The following KSR1 variants were observed in gnomAD, a reference collection of about 807,000 sequenced individuals.
KSR1 encodes the protein kinase suppressor of ras.
Under a neutral mutation model 92.9 loss-of-function variants are expected in KSR1, and 35 were observed. The observed-to-expected ratio is 0.38, with a 90% confidence interval of 0.29 to 0.50. The LOEUF (loss-of-function observed/expected upper bound fraction) is 0.50. KSR1 is among the 20% of genes least tolerant of loss of function. The pLI, the probability that KSR1 is intolerant of heterozygous loss-of-function variation, is 0.94. For missense variants in KSR1, 972 were observed against 1,158.5 expected, an observed-to-expected ratio of 0.84 and a Z score of 2.34; for synonymous variants, 467 against 472.6, an observed-to-expected ratio of 0.99 and a Z score of 0.15.
At chr17:27,470,273 G>A (rs1240446424) in intron 1 of KSR1, among the ~76,000 whole-genome samples, 3 of 131,462 alleles carry the variant, frequency 2.3e-5, no homozygotes, top group East Asian at 2.2e-4. Flanking sequence ...ACAGACTCTC[G>A]CTCTGTGGCC....
chr17:27,487,263 C>T (rs1418006339), intron 1 of KSR1, among the ~76,000 whole-genome samples: 2 of 151,940 alleles, frequency 1.3e-5, no homozygotes, highest in Non-Finnish European at 2.9e-5. Context: ...GGTGAAACCC[C>T]GTCTCTACTA....
At chr17:27,553,516 C>G (rs897760319) in intron 2 of KSR1, among the ~76,000 whole-genome samples, 70 of 152,198 alleles carry the variant, frequency 4.6e-4, no homozygotes, top group Admixed American at 1.3e-3. Flanking sequence ...TCCTCACCAG[C>G]AGGGCCAGGA....
chr17:27,606,868 G>A lies in KSR1; in HGVS notation c.1995-1046G>A, dbSNP rs796121380. Among the ~76,000 whole-genome samples the A allele has an allele frequency of 1.1e-4, 16 of 152,004 alleles. 1 individual carries two copies. Among genetic ancestry groups the A allele is most frequent in the African/African-American group, 2.9e-4 (12 of 41,484 alleles). On this transcript the variant is annotated intron_variant, in intron 14 of 20. Coordinates refer to ENST00000644974, the MANE Select transcript of KSR1 (RefSeq NM_001394583.1). ...GATAAACTAGACAGGGTCTCGCTCT[G>A]TCACCCAGGCTGGAGTGCAGTGGCG...
At chr17:27,498,330 TCA>T (rs1371989408) in intron 1 of KSR1, among the ~76,000 whole-genome samples, 1 of 118,578 alleles carries the variant, frequency 8.4e-6, no homozygotes, top group Non-Finnish European at 1.6e-5. Flanking sequence ...AGAGTGAGAC[TCA>T]GTCTCAAAAA....
intron 14 of KSR1, among the ~76,000 whole-genome samples, chr17:27,607,068 G>T (rs1000011290): frequency 6.6e-6 from 1 of 152,170 alleles, no homozygotes; most frequent in Non-Finnish European, 1.5e-5. Context: ...TTGACCTGAG[G>T]TGATCCGCCC....
chr17:27,495,270 T>C (rs968435864), intron 1 of KSR1, among the ~76,000 whole-genome samples: 8 of 152,168 alleles, frequency 5.3e-5, no homozygotes, highest in African/African-American at 1.9e-4. Flanking sequence ...CTAATACTGA[T>C]CTCGCACTTT....
intron 3 of KSR1, among the ~76,000 whole-genome samples, chr17:27,580,812 C>T (rs914569908): frequency 6.6e-6 from 1 of 152,030 alleles, no homozygotes; most frequent in African/African-American, 2.4e-5. Flanking sequence ...TATGAGACGG[C>T]CTGGAGTGCA....
At chr17:27,604,037 A>C (rs1006413609) in intron 12 of KSR1, 149 bp downstream of exon 12, 1 of 786,476 alleles carries the variant, frequency 1.3e-6, no homozygotes, top group Non-Finnish European at 2.1e-6. Context: ...GGGCAAGTGA[A>C]CTCCACAGAG....
intron 1 of KSR1, among the ~76,000 whole-genome samples, chr17:27,514,009 C>T (rs1567781230): frequency 6.6e-6 from 1 of 152,252 alleles, no homozygotes; most frequent in Non-Finnish European, 1.5e-5. Context: ...GCTTGCGGTG[C>T]AGCTAAGCTC....
At chr17:27,560,182 C>A (rs1288780837) in intron 2 of KSR1, 9 of 315,418 alleles carry the variant, frequency 2.9e-5, no homozygotes, top group Non-Finnish European at 4.9e-5. Flanking sequence ...CAAGCGGCCC[C>A]CTGTCCCACA....
At chr17:27,612,538 G>T (rs1216617171) in intron 18 of KSR1, 1 of 152,192 alleles carries the variant, frequency 6.6e-6, no homozygotes, top group Non-Finnish European at 1.5e-5. Context: ...GGCCCGATTT[G>T]TCAGAGTTTT....
At chr17:27,580,987 G>A (rs964297124) in intron 3 of KSR1, among the ~76,000 whole-genome samples, 2 of 152,146 alleles carry the variant, frequency 1.3e-5, no homozygotes, top group Non-Finnish European at 2.9e-5. Flanking sequence ...GGTTGGTCTC[G>A]AACTCCTGAC....
chr17:27,539,712 G>T (rs1333671398), intron 1 of KSR1, among the ~76,000 whole-genome samples: 1 of 152,162 alleles, frequency 6.6e-6, no homozygotes, highest in Non-Finnish European at 1.5e-5. Flanking sequence ...ATTTAGTCCT[G>T]TTGGTCCCCA....
Position 27,582,972 on chromosome 17 carries a change from C to T in KSR1, c.847C>T (p.Leu283=), listed in dbSNP as rs372493754. 8.1e-6 allele frequency: 13 copies of T among 1,607,772 alleles called. No individual in the cohort carries two copies. In the African/African-American group the frequency reaches 1.6e-4, roughly 20 times the overall value. The part of the protein sequence containing the change: ...TTPQLRRHTK[L]KPPRTPPPPS... ...ACCCCAGCTGCGACGGCACACCAAGCTGAAGCCACCACGGACGCCCCCCCC... is the reference window on the plus strand; with the variant it reads ...ACCCCAGCTGCGACGGCACACCAAGTTGAAGCCACCACGGACGCCCCCCCC... Residue 283 remains leucine (L), a synonymous_variant, in exon 4 of 21, where the codon CTG becomes TTG. Transcript: ENST00000644974.
At chr17:27,496,470 A>G (rs190420952) in intron 1 of KSR1, among the ~76,000 whole-genome samples, 56 of 152,278 alleles carry the variant, frequency 3.7e-4, no homozygotes, top group Admixed American at 7.2e-4. Context: ...CCTGATTTTA[A>G]GTATTTGAAA....
chr17:27,533,466 C>A (rs968553088), intron 1 of KSR1, among the ~76,000 whole-genome samples: 1 of 151,898 alleles, frequency 6.6e-6, no homozygotes, highest in Non-Finnish European at 1.5e-5. Flanking sequence ...TCACTGCAAC[C>A]TCTGCCTCCC....
intron 19 of KSR1, 73 bp from the exon 20 acceptor site, chr17:27,621,120 C>T (rs2074211441): frequency 5.0e-6 from 2 of 398,592 alleles, no homozygotes; most frequent in East Asian, 7.1e-5. Context: ...CCACACGTGC[C>T]TGACTCCATC....
chr17:27,581,800 G>A (rs1486887057), intron 3 of KSR1, among the ~76,000 whole-genome samples: 1 of 152,186 alleles, frequency 6.6e-6, no homozygotes, highest in Non-Finnish European at 1.5e-5. Context: ...TTGAATGGCT[G>A]TAGCTCAAAC....
chr17:27,541,244 C>T (rs1320826942), intron 1 of KSR1, among the ~76,000 whole-genome samples: 2 of 152,204 alleles, frequency 1.3e-5, no homozygotes, highest in Admixed American at 6.5e-5. Flanking sequence ...GCACCTGCCA[C>T]AGGAGGACTA....
Sources: gnomAD v4.1 joint callset for allele counts (sites outside exome capture counted in the v4.1 genomes callset) on GRCh38, gnomAD v4.1.1 for gene constraint, MANE v1.5 for transcripts, NCBI Gene and HGNC (gene_info 2026-07-23, HGNC 2026-07-21) for gene names.